The following PTPRN2 variants were observed in gnomAD, a reference collection of about 807,000 sequenced individuals.
PTPRN2 encodes the protein receptor-type tyrosine-protein phosphatase N2.
In PTPRN2, 74 loss-of-function variants were observed where a neutral mutation model predicts 118.8. The observed-to-expected ratio is 0.62, with a 90% confidence interval of 0.52 to 0.76. The LOEUF (loss-of-function observed/expected upper bound fraction) is 0.76, where lower values mean the gene tolerates loss of function less well. PTPRN2 is among the 30% of genes least tolerant of loss of function. The pLI is 0.00. For synonymous variants in PTPRN2, 641 were observed against 608.0 expected (o/e 1.05, Z -0.80); for missense variants, 1,481 against 1,394.4 (o/e 1.06, Z -0.99).
At chr7:158,325,158 G>A (rs1404137201) in intron 2 of PTPRN2, among the ~76,000 whole-genome samples, 3 of 151,434 alleles carry the variant, frequency 2.0e-5, no homozygotes, top group Non-Finnish European at 2.9e-5. Flanking sequence ...GAGATCCAAG[G>A]GGGTCCCCCA....
At chr7:158,189,418 T>C (rs1350821761) in intron 5 of PTPRN2, among the ~76,000 whole-genome samples, 2 of 152,204 alleles carry the variant, frequency 1.3e-5, no homozygotes, top group Non-Finnish European at 2.9e-5. Flanking sequence ...TGAAACCAAA[T>C]GCTGTTTGCA....
chr7:158,192,883 A>C (rs1017558815), intron 4 of PTPRN2, among the ~76,000 whole-genome samples: 7 of 152,302 alleles, frequency 4.6e-5, no homozygotes, highest in Non-Finnish European at 1.0e-4. Flanking sequence ...TGGGGGGCCC[A>C]AGGCTTGGCA....
At position 157,977,166 on chromosome 7, in the gene PTPRN2, C is replaced by T. The variant is rs1387140883; in HGVS notation, c.1724-78429G>A. ...TAACGAAATGCATATTCATTAAGCA[C>T]ACCTGTAGAGAGCCTATTGCGTACA... On this transcript the variant is annotated intron_variant, in intron 11 of 22. Transcript: ENST00000389418. This position sits in a 1 kb window ranked among gnomAD's most constrained non-coding sequence, Gnocchi z 4.6. Among the ~76,000 whole-genome samples the T allele has an allele frequency of 1.3e-5, 2 of 151,888 alleles. No homozygotes were observed. Among genetic ancestry groups the T allele is most frequent in the African/African-American group, 4.8e-5 (2 of 41,408 alleles).
intron 11 of PTPRN2, among the ~76,000 whole-genome samples, chr7:157,999,153 C>G (rs1805027800): frequency 6.6e-6 from 1 of 152,112 alleles, no homozygotes; most frequent in Non-Finnish European, 1.5e-5. Context: ...GCCAGCCCCT[C>G]ACACCCCTGC....
rs1245495563 is a variant in PTPRN2 at position 158,162,783 on chromosome 7, A to G, written c.910+4148T>C. Among the ~76,000 whole-genome samples the G allele has an allele frequency of 1.3e-5, 2 of 152,210 alleles. 1 individual carries two copies. The highest frequency in any genetic ancestry group is 4.8e-5 in the African/African-American group (2 of 41,444). ...AGAGTCTCTTTTTAAAGCTTTTACC[A>G]GGTAAACTTTTGTCATATGCGTTCA... On this transcript the variant is annotated intron_variant, in intron 6 of 22. Transcript: ENST00000389418.
At chr7:158,557,168 G>A (rs1289161171) in intron 1 of PTPRN2, among the ~76,000 whole-genome samples, 2 of 139,582 alleles carry the variant, frequency 1.4e-5, no homozygotes, top group Non-Finnish European at 3.0e-5. Context: ...TCCCACGCAG[G>A]TCAGGCGGCT....
chr7:157,675,409 C>T (rs191142468), intron 13 of PTPRN2, among the ~76,000 whole-genome samples: 30 of 152,324 alleles, frequency 2.0e-4, no homozygotes, highest in African/African-American at 7.0e-4. Flanking sequence ...CAGGGGCTCA[C>T]CCGGGTGTTG....
At chr7:157,608,126 G>A (rs565199015) in intron 15 of PTPRN2, among the ~76,000 whole-genome samples, 2 of 152,258 alleles carry the variant, frequency 1.3e-5, no homozygotes, top group South Asian at 4.1e-4. Context: ...CAAGTGCAGT[G>A]GCACAATATT....
chr7:157,665,929 A>G (rs1407912355), intron 13 of PTPRN2, among the ~76,000 whole-genome samples: 9 of 152,232 alleles, frequency 5.9e-5, no homozygotes, highest in Admixed American at 4.6e-4. Flanking sequence ...GTGGGAAGTG[A>G]ACAATGAGAA....
intron 12 of PTPRN2, among the ~76,000 whole-genome samples, chr7:157,708,139 G>A (rs1798425319): frequency 6.6e-6 from 1 of 152,242 alleles, no homozygotes; most frequent in African/African-American, 2.4e-5. Flanking sequence ...TGAGGCTGGA[G>A]AAAGGTGCTT....
chr7:158,147,529 A>G (rs1299029579), intron 6 of PTPRN2, among the ~76,000 whole-genome samples: 5 of 104,550 alleles, frequency 4.8e-5, no homozygotes, highest in South Asian at 3.3e-4. Flanking sequence ...CCTCACTGAC[A>G]CCCCATCTCA....
intron 11 of PTPRN2, among the ~76,000 whole-genome samples, chr7:158,047,685 C>T (rs1021449872): frequency 1.1e-4 from 16 of 152,204 alleles, no homozygotes; most frequent in African/African-American, 2.2e-4. Context: ...GTTTCAGAGC[C>T]GATGGCATGT....
intron 6 of PTPRN2, among the ~76,000 whole-genome samples, chr7:158,142,252 C>A (rs889860801): frequency 5.3e-5 from 8 of 152,214 alleles, no homozygotes; most frequent in Admixed American, 5.2e-4. Flanking sequence ...GGCCGCTGCC[C>A]TAGTCACCCT....
intron 11 of PTPRN2, among the ~76,000 whole-genome samples, chr7:157,951,703 T>A (rs1245105712): frequency 1.3e-5 from 2 of 152,222 alleles, no homozygotes; most frequent in Admixed American, 1.3e-4. Flanking sequence ...GCCAGTGACA[T>A]TAGCTGCTGT....
In PTPRN2 at chr7:157,690,379, C is replaced by A. The variant is rs1797414282; in HGVS notation, c.1789-7442G>T. 1.3e-5 allele frequency among the ~76,000 whole-genome samples: 2 copies of A among 152,204 alleles called. No individual in the cohort carries two copies. Among genetic ancestry groups the A allele is most frequent in the Non-Finnish European group, 2.9e-5 (2 of 68,024 alleles). On this transcript the variant is annotated intron_variant, in intron 12 of 22. Transcript: ENST00000389418. This position sits in a 1 kb window ranked among gnomAD's most constrained non-coding sequence, Gnocchi z 7.1. ...CTAGTTGCCCGTTAGAGCCCCCATG[C>A]GCGCCCTCCAGCCTTCGAAAGCTCT... is the stretch of plus-strand genomic sequence containing the variant.
At position 158,102,304 on chromosome 7, in the gene PTPRN2, G is replaced by A. The variant is rs146791584; in HGVS notation, c.1643+8525C>T. ...GGAAAATATGGTAAACTCAATGCAC[G>A]CATCCCGAGCTGGCCCGAGGATGCT... On this transcript the variant is annotated intron_variant, in intron 10 of 22. Transcript: ENST00000389418. Among the ~76,000 whole-genome samples, 18 of 152,286 alleles carry A rather than the reference G, an allele frequency of 1.2e-4. No homozygotes were observed. In the South Asian group the frequency reaches 1.2e-3, roughly 11 times the overall value.
chr7:158,556,343 CAA>C (rs1226390902), intron 1 of PTPRN2, among the ~76,000 whole-genome samples: 1 of 152,046 alleles, frequency 6.6e-6, no homozygotes, highest in Non-Finnish European at 1.5e-5. Flanking sequence ...CACCTGAGGT[CAA>C]GAGTTCAAGA....
At chr7:157,664,163 C>G (rs183105386) in intron 13 of PTPRN2, among the ~76,000 whole-genome samples, 25 of 152,356 alleles carry the variant, frequency 1.6e-4, no homozygotes, top group African/African-American at 6.0e-4. Flanking sequence ...AAGTAGCATC[C>G]ACACCTGAAA....
At chr7:157,621,793 C>G (rs1247071853) in intron 14 of PTPRN2, among the ~76,000 whole-genome samples, 3 of 151,598 alleles carry the variant, frequency 2.0e-5, no homozygotes, top group African/African-American at 4.8e-5. Flanking sequence ...TTATCACATG[C>G]TTTAACGACA....
Sources: gnomAD v4.1 joint callset for allele counts (sites outside exome capture counted in the v4.1 genomes callset) on GRCh38, gnomAD v4.1.1 for gene constraint, Gnocchi (gnomAD v3.1) non-coding constraint, MANE v1.5 for transcripts, NCBI Gene and HGNC (gene_info 2026-07-23, HGNC 2026-07-21) for gene names.